The following BNC2 variants were observed in gnomAD, a reference collection of about 807,000 sequenced individuals.
The protein encoded by BNC2 is zinc finger protein basonuclin-2.
BNC2 carries 20 observed loss-of-function variants against 76.3 expected under a neutral mutation model. That is an observed-to-expected ratio of 0.26 (90% CI 0.18 to 0.38). The LOEUF is 0.38. Among genes scored for constraint, BNC2 ranks in the 10% least tolerant of loss-of-function variants. The pLI, the probability that BNC2 is intolerant of heterozygous loss-of-function variation, is 1.00. For synonymous variants in BNC2, 582 were observed against 514.8 expected, an observed-to-expected ratio of 1.13 and a Z score of -1.77; for missense variants, 1,382 against 1,399.8, an observed-to-expected ratio of 0.99 and a Z score of 0.20.
intron 6 of BNC2, chr9:16,429,840 T>C (rs993314772): frequency 8.8e-6 from 4 of 455,638 alleles, no homozygotes; most frequent in African/African-American, 4.0e-5. Flanking sequence ...GTTCTTGTAG[T>C]GGAGGAGTGA....
rs553982581 is a variant in BNC2, at chr9:16,794,317, T to C, written c.4-55832A>G. Among the ~76,000 whole-genome samples, 24 of 152,296 alleles carry C rather than the reference T, an allele frequency of 1.6e-4. No homozygotes were observed. The East Asian group carries it at 1.9e-3, about 12-fold the overall frequency. On this transcript the variant is annotated intron_variant, in intron 1 of 6. Transcript: ENST00000380672. ...AATCACATGACTGCTCGTAAACCAA[T>C]CACTGCCGAGGGGAATGCAATTATC... is the stretch of plus-strand genomic sequence containing the variant.
chr9:16,865,034 TGA>T (rs1491266539), intron 1 of BNC2, among the ~76,000 whole-genome samples: 3 of 25,632 alleles, frequency 1.2e-4, no homozygotes, highest in Non-Finnish European at 2.3e-4. Flanking sequence ...GGCTTTGGAC[TGA>T]AAAAAAAAAA....
At chr9:16,498,881 CA>C (rs1237219366) in intron 5 of BNC2, among the ~76,000 whole-genome samples, 4 of 152,098 alleles carry the variant, frequency 2.6e-5, no homozygotes, top group Non-Finnish European at 5.9e-5. Context: ...GTGTCCCTGC[CA>C]GGGGTTGTCA....
chr9:16,758,211 C>T (rs904632062), intron 1 of BNC2, among the ~76,000 whole-genome samples: 2 of 152,178 alleles, frequency 1.3e-5, no homozygotes, highest in African/African-American at 4.8e-5. Flanking sequence ...GGTCATCTCT[C>T]TCTGACCACA....
At chr9:16,524,203 G>C (rs1817720026) in intron 5 of BNC2, among the ~76,000 whole-genome samples, 1 of 152,218 alleles carries the variant, frequency 6.6e-6, no homozygotes, top group African/African-American at 2.4e-5. Flanking sequence ...AGAGTTGACT[G>C]TGACCCCTTT....
chr9:16,586,842 A>G (rs972368350), intron 3 of BNC2, among the ~76,000 whole-genome samples: 1 of 152,164 alleles, frequency 6.6e-6, no homozygotes, highest in African/African-American at 2.4e-5. Flanking sequence ...GAGAGACCCT[A>G]ACTAAGAACA....
chr9:16,716,223 T>C (rs1823991647), intron 3 of BNC2, among the ~76,000 whole-genome samples: 1 of 152,200 alleles, frequency 6.6e-6, no homozygotes, highest in Non-Finnish European at 1.5e-5. Context: ...ATAGGATATG[T>C]CTTCAAGGTA....
intron 3 of BNC2, among the ~76,000 whole-genome samples, chr9:16,620,350 TGACA>T (rs1419754143): frequency 4.6e-5 from 7 of 152,196 alleles, no homozygotes; most frequent in Non-Finnish European, 1.0e-4. Context: ...TCTTACTGAC[TGACA>T]AAGAGGCAAC....
rs1820653506 is a variant in BNC2 at position 16,419,093 on chromosome 9, T to C, written c.3196A>G (p.Lys1066Glu). The change falls in exon 7 of 7, where the codon AAA becomes GAA. Residue 1066 changes from lysine to glutamate, a missense_variant. This residue lies in a region of BNC2 where 798 missense variants were observed against 775.5 expected (regional missense o/e 1.03). Coordinates refer to ENST00000380672, the MANE Select transcript of BNC2 (RefSeq NM_017637.6). ...AACATCATATTGCAACCTGGGACTT[T>C]GCACTTGTGCATTTCTCTCAAATGC... is the stretch of plus-strand genomic sequence containing the variant. ...TVHLREMHKC[K>E]VPGCNMMFSS... 2 of 1,614,210 alleles carry C rather than the reference T, an allele frequency of 1.2e-6. No individual in the cohort carries two copies. The highest frequency in any genetic ancestry group is 1.7e-6 in the Non-Finnish European group (2 of 1,180,040).
At chr9:16,665,474 GAAAGAAAGAAAGAAAGAGA>G (rs1396095148) in intron 3 of BNC2, among the ~76,000 whole-genome samples, 1 of 140,844 alleles carries the variant, frequency 7.1e-6, no homozygotes, top group African/African-American at 2.8e-5. Flanking sequence ...AAGAAAGAAA[GAAAGAAAGAAAGAAAGAGA>G]GAGAGAGAAA....
intron 1 of BNC2, among the ~76,000 whole-genome samples, chr9:16,827,048 C>T (rs563453593): frequency 6.7e-4 from 102 of 152,234 alleles, no homozygotes; most frequent in African/African-American, 2.4e-3. Context: ...ATGATTTAAG[C>T]GATGTTACCA....
intron 3 of BNC2, among the ~76,000 whole-genome samples, chr9:16,663,781 T>C (rs895401047): frequency 2.8e-4 from 42 of 152,208 alleles, no homozygotes; most frequent in African/African-American, 9.4e-4. Flanking sequence ...ATTATTTCCT[T>C]ACTTAATAAG....
intron 5 of BNC2, among the ~76,000 whole-genome samples, chr9:16,537,062 A>G (rs1818152082): frequency 6.6e-6 from 1 of 152,148 alleles, no homozygotes; most frequent in Non-Finnish European, 1.5e-5. Flanking sequence ...CATATTGTAG[A>G]GCTCATCCTA....
rs989347326 is a variant in BNC2 at position 16,520,574 on chromosome 9, A to G, written c.669+31956T>C. On this transcript the variant is annotated intron_variant, in intron 5 of 6. Coordinates refer to ENST00000380672, the MANE Select transcript of BNC2 (RefSeq NM_017637.6). ...TGATAGCATAGATAGCAAGAGTTGG[A>G]GAGCAAGAGATAGGACATTCTCTGA... Among the ~76,000 whole-genome samples the G allele has an allele frequency of 3.3e-5, 5 of 152,318 alleles. No individual in the cohort carries two copies. The South Asian group carries it at 1.0e-3, about 32-fold the overall frequency.
intron 3 of BNC2, among the ~76,000 whole-genome samples, chr9:16,622,542 C>T (rs1820892959): frequency 6.6e-6 from 1 of 152,156 alleles, no homozygotes; most frequent in South Asian, 2.1e-4. Context: ...CAGAAGGTTA[C>T]CAAAGCCTCA....
chr9:16,632,706 T>A (rs780876584), intron 3 of BNC2, among the ~76,000 whole-genome samples: 8 of 152,324 alleles, frequency 5.3e-5, no homozygotes, highest in Non-Finnish European at 1.0e-4. Context: ...CAGACTGCCA[T>A]GTCTCTGAAT....
At chr9:16,493,748 GC>G (rs1822326411) in intron 5 of BNC2, among the ~76,000 whole-genome samples, 4 of 152,190 alleles carry the variant, frequency 2.6e-5, no homozygotes, top group Admixed American at 2.6e-4. Context: ...ACAGCAGGGG[GC>G]TAAGGCAGTC....
intron 1 of BNC2, among the ~76,000 whole-genome samples, chr9:16,764,909 G>A (rs1825649761): frequency 6.6e-6 from 1 of 151,792 alleles, no homozygotes; most frequent in Admixed American, 6.6e-5. Context: ...AGGAGGGAAG[G>A]AGGGAGGAGG....
chr9:16,729,865 CTGT>C (rs925963309), intron 2 of BNC2, among the ~76,000 whole-genome samples: 99 of 152,216 alleles, frequency 6.5e-4, no homozygotes, highest in African/African-American at 2.4e-3. Context: ...CCACTAATGG[CTGT>C]TATTTGTGGG....
Sources: allele counts gnomAD v4.1 joint callset (sites outside exome capture counted in the v4.1 genomes callset), GRCh38; gene constraint gnomAD v4.1.1; regional missense constraint gnomAD v4.1.1; transcripts MANE v1.5; gene names NCBI Gene and HGNC (gene_info 2026-07-23, HGNC 2026-07-21).